The following SUCLG2 variants were observed in gnomAD, a reference collection of about 807,000 sequenced individuals.
The protein encoded by SUCLG2 is succinate-CoA ligase GDP-forming subunit beta, also known as succinate--CoA ligase [GDP-forming] subunit beta, mitochondrial.
SUCLG2 carries 42 observed loss-of-function variants against 47.9 expected under a neutral mutation model. The ratio of observed to expected loss-of-function variants is 0.88; its 90% CI spans 0.69 to 1.14. SUCLG2 has a LOEUF of 1.14. Among genes scored for constraint, SUCLG2 ranks in the 50% most tolerant of loss-of-function variants. SUCLG2 has a pLI of 0.00. For synonymous variants in SUCLG2, 195 were observed against 197.3 expected, an observed-to-expected ratio of 0.99 and a Z score of 0.10; for missense variants, 571 against 525.9, an observed-to-expected ratio of 1.09 and a Z score of -0.84.
intron 7 of SUCLG2, among the ~76,000 whole-genome samples, chr3:67,508,045 G>A (rs543069382): frequency 6.6e-6 from 1 of 152,270 alleles, no homozygotes; most frequent in South Asian, 2.1e-4. Context: ...GTGCAGTGGT[G>A]GTAGGTACTG....
intron 2 of SUCLG2, among the ~76,000 whole-genome samples, chr3:67,592,384 C>A (rs1226293279): frequency 6.6e-6 from 1 of 152,106 alleles, no homozygotes; most frequent in Non-Finnish European, 1.5e-5. Context: ...ACTATCCTAG[C>A]AGAGAAGGAA....
At position 67,383,440 on chromosome 3, in the gene SUCLG2, C is replaced by T. The variant is rs534636472; in HGVS notation, c.1184-7581G>A. Among the ~76,000 whole-genome samples, 8 of 152,170 alleles carry T rather than the reference C, an allele frequency of 5.3e-5. No individual in the cohort carries two copies. In the South Asian group the frequency reaches 1.7e-3, roughly 32 times the overall value. On this transcript the variant is annotated intron_variant, in intron 10 of 10. Transcript: ENST00000307227. ...ATATCTAAATGCTTTGTACCCCTAA[C>T]ATTTTATGAAGATTAAAGATGACAT...
intron 7 of SUCLG2, among the ~76,000 whole-genome samples, chr3:67,503,935 G>A (rs1005467627): frequency 6.6e-6 from 1 of 152,110 alleles, no homozygotes; most frequent in African/African-American, 2.4e-5. Flanking sequence ...TTTAACAGAA[G>A]AATGTGTCAC....
At chr3:67,421,220 C>A (rs1049065264) in intron 9 of SUCLG2, among the ~76,000 whole-genome samples, 1 of 152,104 alleles carries the variant, frequency 6.6e-6, no homozygotes, top group African/African-American at 2.4e-5. Context: ...CATTTAAAGA[C>A]CCACTGTCAT....
chr3:67,486,662 T>A (rs1395557756), intron 9 of SUCLG2, among the ~76,000 whole-genome samples: 1 of 152,180 alleles, frequency 6.6e-6, no homozygotes, highest in South Asian at 2.1e-4. Context: ...CTCTGTAGGG[T>A]ACATCCCAGG....
At chr3:67,401,528 T>C (rs949739461) in intron 9 of SUCLG2, among the ~76,000 whole-genome samples, 1 of 149,992 alleles carries the variant, frequency 6.7e-6, no homozygotes, top group African/African-American at 2.5e-5. Flanking sequence ...CCATCACCCA[T>C]CATGTTAACT....
intron 9 of SUCLG2, among the ~76,000 whole-genome samples, chr3:67,433,234 C>T (rs1390719412): frequency 6.6e-6 from 1 of 152,098 alleles, no homozygotes; most frequent in Non-Finnish European, 1.5e-5. Context: ...TAAAGTTGAC[C>T]TCCAGGAGAA....
intron 9 of SUCLG2, among the ~76,000 whole-genome samples, chr3:67,437,020 G>C (rs1207801516): frequency 6.6e-6 from 1 of 151,946 alleles, no homozygotes; most frequent in Non-Finnish European, 1.5e-5. Flanking sequence ...CAAAAAAGTA[G>C]ATCAAATGAC....
intron 2 of SUCLG2, among the ~76,000 whole-genome samples, chr3:67,551,247 C>T (rs939344202): frequency 6.6e-6 from 1 of 152,182 alleles, no homozygotes; most frequent in Non-Finnish European, 1.5e-5. Flanking sequence ...TGCCCTGCCA[C>T]CTTCTGATGG....
chr3:67,607,290 A>C (rs1286508133), intron 2 of SUCLG2, among the ~76,000 whole-genome samples: 1 of 152,172 alleles, frequency 6.6e-6, no homozygotes, highest in Non-Finnish European at 1.5e-5. Flanking sequence ...TAGCATTCCA[A>C]CCAGGTTTCT....
At chr3:67,579,988 GT>G (rs1707840615) in intron 2 of SUCLG2, among the ~76,000 whole-genome samples, 1 of 151,854 alleles carries the variant, frequency 6.6e-6, no homozygotes, top group Non-Finnish European at 1.5e-5. Flanking sequence ...AAGGAGGTGA[GT>G]CAACAAAAAG....
intron 4 of SUCLG2, among the ~76,000 whole-genome samples, chr3:67,520,930 A>T (rs537161782): frequency 6.6e-6 from 1 of 152,300 alleles, no homozygotes; most frequent in South Asian, 2.1e-4. Flanking sequence ...GTCACTTAAG[A>T]AATACCCTAG....
intron 2 of SUCLG2, among the ~76,000 whole-genome samples, chr3:67,539,596 C>T (rs1706644241): frequency 6.6e-6 from 1 of 152,188 alleles, no homozygotes; most frequent in South Asian, 2.1e-4. Context: ...GGACGAGTCC[C>T]TCCTTTTCTA....
At chr3:67,588,821 G>A (rs1048615592) in intron 2 of SUCLG2, among the ~76,000 whole-genome samples, 5 of 152,246 alleles carry the variant, frequency 3.3e-5, no homozygotes, top group Non-Finnish European at 7.4e-5. Flanking sequence ...GTACAGCAGG[G>A]GGATTCATTT....
chr3:67,422,775 G>A (rs1703199225), intron 9 of SUCLG2, among the ~76,000 whole-genome samples: 1 of 152,000 alleles, frequency 6.6e-6, no homozygotes, highest in South Asian at 2.1e-4. Context: ...ACTTTTTATT[G>A]TCTGTGCATC....
intron 9 of SUCLG2, among the ~76,000 whole-genome samples, chr3:67,418,029 C>G (rs762255598): frequency 2.9e-4 from 44 of 152,128 alleles, no homozygotes; most frequent in Admixed American, 2.0e-3. Flanking sequence ...ATCCTGACTT[C>G]GAGGAGCTGT....
chr3:67,649,116 G>C (rs1701242012), intron 1 of SUCLG2, among the ~76,000 whole-genome samples: 1 of 152,204 alleles, frequency 6.6e-6, no homozygotes, highest in African/African-American at 2.4e-5. Flanking sequence ...AATCAACGTT[G>C]AATCAGAAAG....
At chr3:67,398,036 C>G (rs1034633791) in intron 10 of SUCLG2, among the ~76,000 whole-genome samples, 2 of 150,508 alleles carry the variant, frequency 1.3e-5, no homozygotes, top group African/African-American at 4.9e-5. Flanking sequence ...GGATTAAAGA[C>G]TTAAATGTTA....
At chr3:67,524,873 A>T (rs957458138) in intron 4 of SUCLG2, among the ~76,000 whole-genome samples, 5 of 152,182 alleles carry the variant, frequency 3.3e-5, no homozygotes, top group African/African-American at 9.7e-5. Context: ...GCTGGGTGCT[A>T]GAGAAGCCAG....
Sources: gnomAD v4.1 joint callset for allele counts (sites outside exome capture counted in the v4.1 genomes callset) on GRCh38, gnomAD v4.1.1 for gene constraint, MANE v1.5 for transcripts, NCBI Gene and HGNC (gene_info 2026-07-23, HGNC 2026-07-21) for gene names.